NFIB: variants seen among roughly 807,000 people sequenced by gnomAD.
NFIB encodes the protein nuclear factor 1 B-type.
A neutral mutation model predicts 61.5 loss-of-function variants in NFIB; 11 were observed. The observed-to-expected ratio is 0.18, with a 90% CI of 0.11 to 0.30. The LOEUF (loss-of-function observed/expected upper bound fraction) is 0.30, where lower values mean the gene tolerates loss of function less well. NFIB is among the 10% of genes least tolerant of loss of function. NFIB has a pLI of 1.00. For missense variants in NFIB, 471 were observed against 608.9 expected (o/e 0.77, Z 2.38); for synonymous variants, 260 against 216.5 (o/e 1.20, Z -1.76).
intron 3 of NFIB, among the ~76,000 whole-genome samples, chr9:14,172,332 G>A (rs1359787193): frequency 1.3e-5 from 2 of 152,152 alleles, no homozygotes; most frequent in Admixed American, 6.6e-5. Context: ...AGGAATCAGT[G>A]AAATAAGAGG....
At chr9:14,214,112 C>T (rs936352916) in intron 2 of NFIB, among the ~76,000 whole-genome samples, 1 of 152,148 alleles carries the variant, frequency 6.6e-6, no homozygotes. Context: ...CACATCCTAG[C>T]CCCCCATTAA....
At chr9:14,105,680 T>C (rs2036464361) in intron 10 of NFIB, among the ~76,000 whole-genome samples, 1 of 152,170 alleles carries the variant, frequency 6.6e-6, no homozygotes, top group Non-Finnish European at 1.5e-5. Context: ...TCCATGATAG[T>C]AATTCCTAAG....
chr9:14,423,386 A>G, the NFIB span, among the ~76,000 whole-genome samples: 1 of 152,202 alleles, frequency 6.6e-6, no homozygotes, highest in Non-Finnish European at 1.5e-5. Context: ...CCTCTTACAC[A>G]GAGATGTGGA....
intron 10 of NFIB, among the ~76,000 whole-genome samples, chr9:14,097,841 C>G (rs1363198024): frequency 6.7e-6 from 1 of 150,326 alleles, no homozygotes; most frequent in Non-Finnish European, 1.5e-5. Flanking sequence ...GAGCTATTAC[C>G]CCCCCACACT....
chr9:14,192,171 T>G (rs184665549), intron 2 of NFIB, among the ~76,000 whole-genome samples: 1 of 152,328 alleles, frequency 6.6e-6, no homozygotes, highest in Admixed American at 6.5e-5. Flanking sequence ...AAGATCAAAT[T>G]CTTCTTGACA....
At chr9:14,401,448 A>G (rs1218363471), upstream of NFIB, among the ~76,000 whole-genome samples, 4 of 152,198 alleles carry the variant, frequency 2.6e-5, no homozygotes, top group African/African-American at 9.6e-5. Flanking sequence ...CCAGTTCACC[A>G]TCGGCCTGGA....
chr9:14,170,903 TATTA>T (rs2045494397), intron 3 of NFIB, among the ~76,000 whole-genome samples: 2 of 152,238 alleles, frequency 1.3e-5, no homozygotes, highest in Non-Finnish European at 2.9e-5. Flanking sequence ...CTAGGTACAG[TATTA>T]ATTAAGTGCC....
chr9:14,403,516 C>G (rs1263579982), upstream of NFIB, among the ~76,000 whole-genome samples: 1 of 151,994 alleles, frequency 6.6e-6, no homozygotes, highest in Non-Finnish European at 1.5e-5. Context: ...CTCTCCTCCC[C>G]TCCCCTCCCC....
intron 1 of NFIB, among the ~76,000 whole-genome samples, chr9:14,324,728 T>C (rs1389169295): frequency 6.6e-6 from 1 of 152,152 alleles, no homozygotes; most frequent in Non-Finnish European, 1.5e-5. Context: ...CCATTGTGTG[T>C]CATGTTCAGG....
chr9:14,427,943 T>TTTTTTTTTTTTTTTG, the NFIB span, among the ~76,000 whole-genome samples: 1 of 76,402 alleles, frequency 1.3e-5, no homozygotes, highest in African/African-American at 7.6e-5. Flanking sequence ...AGTTGTTTTT[T>TTTTTTTTTTTTTTTG]TTTTTTTTTT....
intron 2 of NFIB, among the ~76,000 whole-genome samples, chr9:14,247,564 C>A (rs1426797016): frequency 6.6e-6 from 1 of 152,262 alleles, no homozygotes; most frequent in African/African-American, 2.4e-5. Context: ...ACAGGCACCA[C>A]TGCAGGGCAA....
rs146176074 is a variant in NFIB, at chr9:14,254,686, A to C, written c.562+52303T>G. Among the ~76,000 whole-genome samples the C allele has an allele frequency of 4.5e-3, 688 of 152,322 alleles. 4 individuals carry two copies. Among genetic ancestry groups the C allele is most frequent in the African/African-American group, 0.016 (660 of 41,558 alleles). ...GTTAATAATGATACATAGGTTCCTG[A>C]GATAAATAATTTAATTATCACATGC... On this transcript the variant is annotated intron_variant, in intron 2 of 10. Transcript: ENST00000380953.
At chr9:14,452,855 A>C in the NFIB span, among the ~76,000 whole-genome samples, 1 of 152,222 alleles carries the variant, frequency 6.6e-6, no homozygotes, top group African/African-American at 2.4e-5. Context: ...CAGGGAGGAG[A>C]AGGGGGAGAA....
intron 6 of NFIB, among the ~76,000 whole-genome samples, chr9:14,134,897 CAAAAA>C (rs57014530): frequency 1.2e-4 from 8 of 64,332 alleles, no homozygotes; most frequent in African/African-American, 3.7e-4. Flanking sequence ...GACTCTGTCT[CAAAAA>C]AAAAAAAAAA....
chr9:14,179,645 A>C, intron 3 of NFIB, 82 bp downstream of exon 3: 1 of 1,455,156 alleles, frequency 6.9e-7, no homozygotes. Context: ...GCAGCTGACC[A>C]ATTATGGGGT....
intron 2 of NFIB, among the ~76,000 whole-genome samples, chr9:14,262,890 A>C (rs2056897929): frequency 6.6e-6 from 1 of 152,114 alleles, no homozygotes; most frequent in African/African-American, 2.4e-5. Context: ...TTCTAGTAAA[A>C]GGCTCCCATT....
chr9:14,481,444 T>C, the NFIB span, among the ~76,000 whole-genome samples: 5 of 151,496 alleles, frequency 3.3e-5, no homozygotes, highest in Admixed American at 3.3e-4. Context: ...TTAAAATCTT[T>C]GTCTCTGAGT....
chr9:14,190,163 T>C (rs1446448049), intron 2 of NFIB, among the ~76,000 whole-genome samples: 1 of 152,192 alleles, frequency 6.6e-6, no homozygotes, highest in East Asian at 1.9e-4. Flanking sequence ...GAGAAGAAAC[T>C]GGATGGGTTT....
At chr9:14,380,150 GCTA>G (rs2061470694) in intron 1 of NFIB, among the ~76,000 whole-genome samples, 1 of 152,158 alleles carries the variant, frequency 6.6e-6, no homozygotes, top group Non-Finnish European at 1.5e-5. Flanking sequence ...CACCTCTGCT[GCTA>G]CTACAAGTTA....
Sources: allele counts gnomAD v4.1 joint callset (sites outside exome capture counted in the v4.1 genomes callset), GRCh38; gene constraint gnomAD v4.1.1; transcripts MANE v1.5; gene names NCBI Gene and HGNC (gene_info 2026-07-23, HGNC 2026-07-21).